The following ABR variants were observed in gnomAD, a reference collection of about 807,000 sequenced individuals.
The protein encoded by ABR is active breakpoint cluster region-related protein.
ABR carries 35 observed loss-of-function variants against 107.2 expected under a neutral mutation model. The observed-to-expected ratio is 0.33, with a 90% CI of 0.25 to 0.43. ABR has a LOEUF of 0.43. ABR is among the 20% of genes least tolerant of loss of function. ABR has a pLI of 1.00. For synonymous variants in ABR, 498 were observed against 462.0 expected, an observed-to-expected ratio of 1.08 and a Z score of -1.00; for missense variants, 815 against 1,115.2, an observed-to-expected ratio of 0.73 and a Z score of 3.83.
chr17:1,171,243 C>T (rs534648344), intron 1 of ABR, among the ~76,000 whole-genome samples: 10 of 152,284 alleles, frequency 6.6e-5, no homozygotes, highest in South Asian at 2.1e-4. Flanking sequence ...CCCGTAATCT[C>T]GATCCATTAA....
intron 16 of ABR, among the ~76,000 whole-genome samples, chr17:1,031,223 A>G (rs1474730965): frequency 6.6e-6 from 1 of 152,202 alleles, no homozygotes; most frequent in Non-Finnish European, 1.5e-5. Context: ...AGGGGCAGCC[A>G]GCAAGGCCCG....
rs151042586 is a variant in ABR at position 1,157,399 on chromosome 17, C to T, written c.61+22268G>A. On this transcript the variant is annotated intron_variant, in intron 1 of 22. Coordinates refer to ENST00000302538, the MANE Select transcript of ABR (RefSeq NM_021962.5). This position sits in a 1 kb window ranked among gnomAD's most constrained non-coding sequence, Gnocchi z 4.7. ...CCAAATAGCTGGGATTACAGGTGTG[C>T]GCCACCACGCCCGGCTAATTTTTAT... Among the ~76,000 whole-genome samples the T allele has an allele frequency of 1.4e-3, 215 of 152,078 alleles. No individual in the cohort carries two copies. The highest frequency in any genetic ancestry group is 2.7e-3 in the Non-Finnish European group (183 of 67,992).
intron 16 of ABR, among the ~76,000 whole-genome samples, chr17:1,043,001 A>C (rs984821572): frequency 2.0e-5 from 3 of 152,192 alleles, no homozygotes; most frequent in Non-Finnish European, 4.4e-5. Context: ...AAATTCGTAC[A>C]GACAGAAAGC....
chr17:1,013,004 A>G, intron 17 of ABR, 101 bp downstream of exon 17: 1 of 1,430,894 alleles, frequency 7.0e-7, no homozygotes, highest in South Asian at 1.2e-5. Context: ...TCGAGGCGGC[A>G]CAGCGGCCCC....
rs577852586 is a variant in ABR, at chr17:1,005,078, C to G, written c.*1002G>C. On this transcript the variant is annotated 3_prime_UTR_variant, in exon 23 of 23. Transcript: ENST00000302538. ...AGAGCTGAGCTGCCTCCCCGCGACC[C>G]GGGACACCCAGCGTGGCATGTGCAT... The G allele has an allele frequency of 1.0e-5, 4 of 398,338 alleles. No homozygotes were observed. Among genetic ancestry groups the G allele is most frequent in the Non-Finnish European group, 1.8e-5 (4 of 226,166 alleles). The allele number at this position is 398,338 out of a possible 1,614,324, so 24.7% of individuals were successfully genotyped here. A position where few individuals can be genotyped will look rare whatever the true frequency, so the allele number is the denominator to read the frequency against.
chr17:1,031,791 TC>T (rs2072799392), intron 16 of ABR: 2 of 1,207,460 alleles, frequency 1.7e-6, no homozygotes, highest in Admixed American at 9.0e-5. Context: ...TGTGGAGCGC[TC>T]AGTCCCGGCT....
chr17:1,173,090 C>A (rs1264329945), intron 1 of ABR, among the ~76,000 whole-genome samples: 1 of 71,994 alleles, frequency 1.4e-5, no homozygotes, highest in South Asian at 6.0e-4. Context: ...CCACCCCCCC[C>A]ATCATCTCAG....
Position 1,011,821 on chromosome 17 carries a change from C to T in ABR, c.2101+25G>A, listed in dbSNP as rs773691932. On this transcript the variant is annotated intron_variant, in intron 19 of 22. Transcript: ENST00000302538. The surrounding 1 kb of genome is among the most constrained non-coding windows in gnomAD (Gnocchi z 4.8). The stretch of plus-strand genomic sequence containing the variant: ...GCCTGCTCAGACACAGCCACACCTG[C>T]CCCGGCTGGGCCTCCCAGACTCACT... 1.0e-5 allele frequency: 16 copies of T among 1,553,706 alleles called. No individual in the cohort carries two copies. The highest frequency in any genetic ancestry group is 1.4e-5 in the African/African-American group (1 of 74,044).
intron 5 of ABR, 116 bp downstream of exon 5, chr17:1,083,404 T>G: frequency 1.6e-6 from 1 of 618,908 alleles, no homozygotes; most frequent in Non-Finnish European, 2.9e-6. Flanking sequence ...AGGCTAAGTG[T>G]TACCCATTAG....
At chr17:1,209,528 C>T (rs1255101839) in intron 1 of ABR, among the ~76,000 whole-genome samples, 3 of 152,166 alleles carry the variant, frequency 2.0e-5, no homozygotes, top group East Asian at 3.9e-4. Flanking sequence ...TCACCTGTCT[C>T]GGCCTCCCAG....
rs758020221 is a variant in ABR, at chr17:1,108,898, G to GC, written c.247-8164dup. 1,555 of 1,534,236 alleles carry GC rather than the reference G, an allele frequency of 1.0e-3. 5 individuals are homozygous for GC. Among genetic ancestry groups the GC allele is most frequent in the East Asian group, 3.9e-3 (149 of 38,450 alleles). ...GCGCACCTTCGGCAGCGCCGGCCCGGCCCCCCCCAGCGCCCAGGGCGTGTC... is the reference window on the plus strand; with the variant it reads ...GCGCACCTTCGGCAGCGCCGGCCCGGCCCCCCCCCAGCGCCCAGGGCGTGTC... On this transcript the variant is annotated intron_variant, in intron 2 of 22. Coordinates refer to ENST00000302538, the MANE Select transcript of ABR (RefSeq NM_021962.5).
rs1389676810 is a variant in ABR, at chr17:1,010,458, C to T, written c.2236+271G>A. 4 of 479,940 alleles carry T rather than the reference C, an allele frequency of 8.3e-6. No homozygotes were observed. The highest frequency in any genetic ancestry group is 7.0e-5 in the Admixed American group (2 of 28,544). 29.7% of individuals were successfully genotyped at this position (479,940 alleles called of 1,614,324 possible). ...AGTCTTCCCTGGATGCTCGAGCTTCCAAGCAAGAGGCCAACGTCCAAATAG... is the reference window on the plus strand; with the variant it reads ...AGTCTTCCCTGGATGCTCGAGCTTCTAAGCAAGAGGCCAACGTCCAAATAG... On this transcript the variant is annotated intron_variant, in intron 20 of 22. Coordinates refer to ENST00000302538, the MANE Select transcript of ABR (RefSeq NM_021962.5). The surrounding 1 kb of genome is among the most constrained non-coding windows in gnomAD (Gnocchi z 4.1).
intron 2 of ABR, 29 bp from the exon 3 acceptor site, chr17:1,100,764 C>T (rs2037807696): frequency 6.2e-7 from 1 of 1,611,338 alleles, no homozygotes. Flanking sequence ...CAGCCAACAG[C>T]TCATGAGCAA....
intron 3 of ABR, among the ~76,000 whole-genome samples, chr17:1,098,628 G>A (rs989947505): frequency 2.6e-5 from 4 of 152,238 alleles, no homozygotes; most frequent in Non-Finnish European, 5.9e-5. Flanking sequence ...TTGAGAAACA[G>A]TGCAATACGC....
chr17:1,204,360 G>A (rs2042747434), intron 1 of ABR, among the ~76,000 whole-genome samples: 2 of 152,156 alleles, frequency 1.3e-5, no homozygotes, highest in African/African-American at 2.4e-5. Flanking sequence ...CAGGAGAATC[G>A]CTTGAACCCG....
chr17:1,171,133 C>T (rs529201986), intron 1 of ABR, among the ~76,000 whole-genome samples: 128 of 152,274 alleles, frequency 8.4e-4, no homozygotes, highest in African/African-American at 2.9e-3. Context: ...CGAGGTAACG[C>T]GAACGGGGTA....
chr17:1,007,975 G>A (rs1276360770), intron 21 of ABR, among the ~76,000 whole-genome samples: 1 of 152,232 alleles, frequency 6.6e-6, no homozygotes, highest in East Asian at 1.9e-4. Flanking sequence ...ATGAGCCCGG[G>A]GACTGTCCCC....
intron 1 of ABR, among the ~76,000 whole-genome samples, chr17:1,192,987 G>A (rs1021498505): frequency 6.6e-6 from 1 of 152,228 alleles, no homozygotes; most frequent in African/African-American, 2.4e-5. Flanking sequence ...GGCGGAGGCT[G>A]TAGTGAGCCG....
In ABR at chr17:1,013,127, G is replaced by A. The variant is rs200395437; in HGVS notation, c.1829C>T (p.Thr610Met). 6.4e-5 allele frequency: 103 copies of A among 1,614,116 alleles called. No individual in the cohort carries two copies. The highest frequency in any genetic ancestry group is 6.6e-5 in the South Asian group (6 of 91,086). Residue 610 changes from threonine (T) to methionine (M), a missense_variant, in exon 17 of 23, where the codon ACG becomes ATG. Thr to Met is a moderately conservative substitution (Grantham distance 81). Coordinates refer to ENST00000302538, the MANE Select transcript of ABR (RefSeq NM_021962.5). ...CACCCCGTTCATCTCAATCACGTCC[G>A]TGTGCCAGTTCTTGGTCTCCACGGT... is the stretch of plus-strand genomic sequence containing the variant. ...PQTVETKNWH[T>M]DVIEMNGIKV...
Sources: gnomAD v4.1 joint callset for allele counts (sites outside exome capture counted in the v4.1 genomes callset) on GRCh38, gnomAD v4.1.1 for gene constraint, Gnocchi (gnomAD v3.1) non-coding constraint, MANE v1.5 for transcripts, NCBI Gene and HGNC (gene_info 2026-07-23, HGNC 2026-07-21) for gene names.